TRAPPC9: variants seen among roughly 807,000 people sequenced by gnomAD.
TRAPPC9 encodes the protein IKK2 binding protein.
Under a neutral mutation model 124.0 loss-of-function variants are expected in TRAPPC9, and 83 were observed. That is an observed-to-expected ratio of 0.67 (90% CI 0.56 to 0.80). The LOEUF (loss-of-function observed/expected upper bound fraction) is 0.80. Among genes scored for constraint, TRAPPC9 ranks in the 30% least tolerant of loss-of-function variants. TRAPPC9 has a pLI of 0.00. For synonymous variants in TRAPPC9, 638 were observed against 617.5 expected (o/e 1.03, Z -0.49); for missense variants, 1,302 against 1,508.3 (o/e 0.86, Z 2.27).
intron 17 of TRAPPC9, among the ~76,000 whole-genome samples, chr8:140,187,408 C>T (rs1038429395): frequency 1.6e-4 from 24 of 152,250 alleles, no homozygotes; most frequent in Non-Finnish European, 2.8e-4. Context: ...GGAGTTGGGA[C>T]GCTCGACCTA....
intron 17 of TRAPPC9, among the ~76,000 whole-genome samples, chr8:140,078,947 C>T (rs1843658385): frequency 6.6e-6 from 1 of 152,122 alleles, no homozygotes; most frequent in Non-Finnish European, 1.5e-5. Flanking sequence ...TGTCCCCACC[C>T]AAATCTTATC....
intron 21 of TRAPPC9, among the ~76,000 whole-genome samples, chr8:139,835,747 A>C (rs1261913127): frequency 1.3e-5 from 2 of 151,574 alleles, no homozygotes; most frequent in Non-Finnish European, 2.9e-5. Context: ...CCAAGACATG[A>C]GAGGGAAAGC....
chr8:140,363,002 T>C (rs1462830077), intron 8 of TRAPPC9, among the ~76,000 whole-genome samples: 1 of 152,242 alleles, frequency 6.6e-6, no homozygotes, highest in African/African-American at 2.4e-5. Flanking sequence ...TGAATTATTT[T>C]TCTGAAGGCA....
intron 17 of TRAPPC9, among the ~76,000 whole-genome samples, chr8:140,039,266 T>C (rs1365161582): frequency 1.3e-5 from 2 of 152,130 alleles, no homozygotes; most frequent in East Asian, 3.9e-4. Flanking sequence ...ACTCAAATGG[T>C]AGAGATGCAA....
chr8:140,355,113 A>T (rs1422830595), intron 9 of TRAPPC9, among the ~76,000 whole-genome samples: 1 of 152,202 alleles, frequency 6.6e-6, no homozygotes, highest in Admixed American at 6.5e-5. Flanking sequence ...TGGATAAACA[A>T]ATTTTCCTGT....
intron 15 of TRAPPC9, chr8:140,262,463 C>G (rs1200513746): frequency 6.6e-6 from 1 of 151,554 alleles, no homozygotes; most frequent in Non-Finnish European, 1.5e-5. Flanking sequence ...TCCAGCGTGA[C>G]CCTAGAAATG....
At chr8:139,846,051 G>A (rs1054736108) in intron 21 of TRAPPC9, among the ~76,000 whole-genome samples, 3 of 152,236 alleles carry the variant, frequency 2.0e-5, no homozygotes, top group African/African-American at 4.8e-5. Context: ...GGTGGGTGCC[G>A]CAAGCTGAGG....
At chr8:140,117,370 C>T (rs1387974908) in intron 17 of TRAPPC9, among the ~76,000 whole-genome samples, 1 of 152,172 alleles carries the variant, frequency 6.6e-6, no homozygotes, top group East Asian at 1.9e-4. Context: ...GAGCAACTGG[C>T]TCACAGTTCT....
rs376422310 is a variant in TRAPPC9, at chr8:140,209,171, G to C, written c.2556+12288C>G. ...GTGGTGAGGCCTCTGCAGACGATCC[G>C]CCTAAAACAACGAGCAGGAGTCACT... is the stretch of plus-strand genomic sequence containing the variant. On this transcript the variant is annotated intron_variant, in intron 17 of 22. Transcript: ENST00000438773. Among the ~76,000 whole-genome samples, 12 of 152,306 alleles carry C rather than the reference G, an allele frequency of 7.9e-5. No homozygotes were observed. The South Asian group carries it at 2.5e-3, about 32-fold the overall frequency.
chr8:139,933,775 A>C (rs578104828), intron 19 of TRAPPC9: 2 of 152,370 alleles, frequency 1.3e-5, no homozygotes, highest in East Asian at 1.9e-4. Context: ...GAGATTAACC[A>C]AAGTCCATGA....
At chr8:140,227,691 C>A (rs1229844815) in intron 16 of TRAPPC9, among the ~76,000 whole-genome samples, 1 of 152,200 alleles carries the variant, frequency 6.6e-6, no homozygotes, top group Non-Finnish European at 1.5e-5. Flanking sequence ...AGCAGAGTCA[C>A]AATAAAAACA....
At chr8:139,910,845 T>C (rs993043418) in intron 19 of TRAPPC9, among the ~76,000 whole-genome samples, 14 of 152,210 alleles carry the variant, frequency 9.2e-5, no homozygotes, top group African/African-American at 3.4e-4. Flanking sequence ...CCCTATTGTA[T>C]CTAGGAAATA....
At chr8:139,965,930 C>T (rs1439637465) in intron 19 of TRAPPC9, among the ~76,000 whole-genome samples, 3 of 152,246 alleles carry the variant, frequency 2.0e-5, no homozygotes, top group Admixed American at 2.0e-4. Flanking sequence ...ACATCTCGCA[C>T]AGCCTGCGCC....
At chr8:139,990,458 C>T (rs1031903445) in intron 18 of TRAPPC9, among the ~76,000 whole-genome samples, 22 of 152,214 alleles carry the variant, frequency 1.4e-4, no homozygotes, top group Admixed American at 9.2e-4. Context: ...CACACATATA[C>T]ACTCTCATAC....
At chr8:140,298,317 T>G (rs2065870043) in intron 11 of TRAPPC9, among the ~76,000 whole-genome samples, 1 of 152,158 alleles carries the variant, frequency 6.6e-6, no homozygotes, top group Admixed American at 6.5e-5. Context: ...TTACAGAAGC[T>G]AAGAAATCCT....
rs183347531 is a variant in TRAPPC9 at position 140,241,892 on chromosome 8, G to A, written c.2431+10885C>T. On this transcript the variant is annotated intron_variant, in intron 16 of 22. Transcript: ENST00000438773. The surrounding 1 kb of genome is among the most constrained non-coding windows in gnomAD (Gnocchi z 5.0). ...GAAGCTGCTCTGACCAGGCCTCACT[G>A]CATACTGGGAAAGGAGAGAGCACAC... Among the ~76,000 whole-genome samples, 133 of 152,190 alleles carry A rather than the reference G, an allele frequency of 8.7e-4. No homozygotes were observed. The highest frequency in any genetic ancestry group is 2.8e-3 in the African/African-American group (118 of 41,532).
At chr8:139,843,316 C>G (rs1031422184) in intron 21 of TRAPPC9, among the ~76,000 whole-genome samples, 1 of 152,182 alleles carries the variant, frequency 6.6e-6, no homozygotes, top group Non-Finnish European at 1.5e-5. Context: ...AGACTCGGCC[C>G]CGGGGCTGGT....
chr8:139,876,570 C>T (rs1563884265), intron 21 of TRAPPC9, among the ~76,000 whole-genome samples: 1 of 152,222 alleles, frequency 6.6e-6, no homozygotes. Context: ...CCTCATCTGA[C>T]AGAGAGTGGC....
chr8:140,139,041 T>C (rs1283127682), intron 17 of TRAPPC9, among the ~76,000 whole-genome samples: 1 of 152,156 alleles, frequency 6.6e-6, no homozygotes, highest in Non-Finnish European at 1.5e-5. Context: ...CTGGAAGCTC[T>C]GAGGTTTAGG....
Sources: allele counts gnomAD v4.1 joint callset (sites outside exome capture counted in the v4.1 genomes callset), GRCh38; gene constraint gnomAD v4.1.1; non-coding constraint Gnocchi (gnomAD v3.1); transcripts MANE v1.5; gene names NCBI Gene and HGNC (gene_info 2026-07-23, HGNC 2026-07-21).